Variants in DCC observed in about 807,000 individuals in gnomAD.
The protein encoded by DCC is DCC netrin 1 receptor, also known as netrin receptor DCC.
Under a neutral mutation model 172.5 loss-of-function variants are expected in DCC, and 58 were observed. The observed-to-expected ratio is 0.34, with a 90% CI of 0.27 to 0.42. DCC has a LOEUF of 0.42. Ranked by LOEUF, DCC falls within the 10% of genes least tolerant of loss-of-function variation. The pLI is 1.00. For missense variants in DCC, 1,740 were observed against 1,791.0 expected, an observed-to-expected ratio of 0.97 and a Z score of 0.51; for synonymous variants, 709 against 644.5, an observed-to-expected ratio of 1.10 and a Z score of -1.52.
intron 7 of DCC, among the ~76,000 whole-genome samples, chr18:53,149,483 A>C (rs1016202452): frequency 2.2e-4 from 34 of 152,206 alleles, no homozygotes; most frequent in Admixed American, 2.0e-3. Context: ...ATTTAATTGC[A>C]GTTCGCTAGT....
At chr18:53,277,348 T>G (rs1197242034) in intron 12 of DCC, among the ~76,000 whole-genome samples, 2 of 152,126 alleles carry the variant, frequency 1.3e-5, no homozygotes, top group Non-Finnish European at 2.9e-5. Context: ...CACACGCCTG[T>G]GGTCCCAGCT....
intron 17 of DCC, among the ~76,000 whole-genome samples, chr18:53,395,137 C>T (rs67915568): frequency 0.27 from 35,467 of 132,478 alleles, 4,753 homozygotes; most frequent in East Asian, 0.42. Context: ...GTGACAAGCA[C>T]GAAACTCCAT....
At chr18:52,533,205 G>A (rs953504907) in intron 1 of DCC, among the ~76,000 whole-genome samples, 1 of 152,058 alleles carries the variant, frequency 6.6e-6, no homozygotes, top group African/African-American at 2.4e-5. Context: ...ATCGACATTT[G>A]ATACAACCTG....
chr18:52,508,121 T>C (rs2031301452), intron 1 of DCC, among the ~76,000 whole-genome samples: 1 of 152,002 alleles, frequency 6.6e-6, no homozygotes. Flanking sequence ...ATTATTATTA[T>C]TATTTCATCC....
chr18:52,501,957 C>T (rs1322442728), intron 1 of DCC, among the ~76,000 whole-genome samples: 3 of 152,056 alleles, frequency 2.0e-5, no homozygotes, highest in Non-Finnish European at 2.9e-5. Context: ...TCTCCAGGGC[C>T]CACAGTTCGT....
chr18:53,219,608 A>C (rs1006077032), intron 12 of DCC, among the ~76,000 whole-genome samples: 6 of 152,062 alleles, frequency 3.9e-5, no homozygotes, highest in African/African-American at 1.2e-4. Flanking sequence ...CATCTATGTG[A>C]ATGTCTTTTT....
At chr18:53,196,903 A>C (rs1224386163) in intron 9 of DCC, among the ~76,000 whole-genome samples, 1 of 152,054 alleles carries the variant, frequency 6.6e-6, no homozygotes, top group Non-Finnish European at 1.5e-5. Flanking sequence ...TTCCTAGCCA[A>C]ATTACTGTCT....
At chr18:53,267,071 A>G (rs759559382) in intron 12 of DCC, among the ~76,000 whole-genome samples, 6 of 151,666 alleles carry the variant, frequency 4.0e-5, no homozygotes, top group Non-Finnish European at 7.4e-5. Flanking sequence ...CAATAACACT[A>G]TGTTTAACCT....
intron 1 of DCC, among the ~76,000 whole-genome samples, chr18:52,540,597 CTTT>C (rs71175505): frequency 5.9e-5 from 4 of 67,486 alleles, no homozygotes; most frequent in Admixed American, 2.1e-4. Context: ...ATTCAACTGC[CTTT>C]TTTTTTTTTT....
At chr18:53,212,643 T>C (rs1163275878) in intron 11 of DCC, among the ~76,000 whole-genome samples, 1 of 152,060 alleles carries the variant, frequency 6.6e-6, no homozygotes, top group Non-Finnish European at 1.5e-5. Flanking sequence ...AGCAGAATTG[T>C]ATTTTATTGC....
At chr18:53,246,578 T>C (rs1248655804) in intron 12 of DCC, among the ~76,000 whole-genome samples, 1 of 152,022 alleles carries the variant, frequency 6.6e-6, no homozygotes, top group East Asian at 1.9e-4. Flanking sequence ...AATAAACCAG[T>C]ACAACACCAT....
chr18:52,434,851 A>G (rs1299087393), intron 1 of DCC, among the ~76,000 whole-genome samples: 1 of 152,130 alleles, frequency 6.6e-6, no homozygotes, highest in Non-Finnish European at 1.5e-5. Flanking sequence ...CTGATTCTGC[A>G]GTTTCGATAA....
At chr18:52,950,133 G>A (rs556946143) in intron 5 of DCC, among the ~76,000 whole-genome samples, 2 of 152,200 alleles carry the variant, frequency 1.3e-5, no homozygotes, top group South Asian at 2.1e-4. Flanking sequence ...GATAATCTAC[G>A]TGCTCTTTTT....
chr18:52,726,145 A>T (rs2036548556), intron 1 of DCC, among the ~76,000 whole-genome samples: 1 of 152,248 alleles, frequency 6.6e-6, no homozygotes, highest in African/African-American at 2.4e-5. Flanking sequence ...TTAATTCCCA[A>T]CAGCCCTAGC....
At position 52,933,738 on chromosome 18, in the gene DCC, T is replaced by C. The variant is rs116570299; in HGVS notation, c.985+8368T>C. 5.1e-3 allele frequency among the ~76,000 whole-genome samples: 772 copies of C among 152,212 alleles called. 5 individuals carry two copies. Among genetic ancestry groups the C allele is most frequent in the African/African-American group, 0.017 (719 of 41,550 alleles). ...AATTCCTTCATTATTTTCTTCATAT[T>C]TGTAGAGCTTTAGGAGCTACAAGTG... is the stretch of plus-strand genomic sequence containing the variant. On this transcript the variant is annotated intron_variant, in intron 5 of 28. Coordinates refer to ENST00000442544, the MANE Select transcript of DCC (RefSeq NM_005215.4).
At chr18:53,291,031 G>A (rs1422635309) in intron 12 of DCC, among the ~76,000 whole-genome samples, 1 of 151,974 alleles carries the variant, frequency 6.6e-6, no homozygotes, top group East Asian at 1.9e-4. Flanking sequence ...AGCCAGGTGT[G>A]GTGGCAGGCT....
intron 5 of DCC, among the ~76,000 whole-genome samples, chr18:52,975,170 T>C (rs763743491): frequency 1.2e-4 from 19 of 152,270 alleles, no homozygotes; most frequent in Non-Finnish European, 2.5e-4. Context: ...CATATAATTA[T>C]CTTTTTACAG....
intron 1 of DCC, among the ~76,000 whole-genome samples, chr18:52,600,559 G>A (rs1320911554): frequency 2.0e-5 from 3 of 152,054 alleles, no homozygotes; most frequent in East Asian, 3.9e-4. Context: ...GATTTTAATC[G>A]AATTGCTTTG....
chr18:52,795,365 G>A (rs9946016), intron 2 of DCC, among the ~76,000 whole-genome samples: 7,018 of 151,894 alleles, frequency 0.046, 237 homozygotes, highest in South Asian at 0.16. Context: ...GGTTGTATGC[G>A]TTTAGGAATG....
Sources: allele counts gnomAD v4.1 joint callset (sites outside exome capture counted in the v4.1 genomes callset), GRCh38; gene constraint gnomAD v4.1.1; transcripts MANE v1.5; gene names NCBI Gene and HGNC (gene_info 2026-07-23, HGNC 2026-07-21).